The following CENPE variants were observed in gnomAD, a reference collection of about 807,000 sequenced individuals.
CENPE encodes centromere protein E, also known as centromere-associated protein E.
In CENPE, 145 loss-of-function variants were observed where a neutral mutation model predicts 336.1. That is an observed-to-expected ratio of 0.43 (90% CI 0.38 to 0.50). CENPE has a LOEUF of 0.50. Ranked by LOEUF, CENPE falls within the 20% of genes least tolerant of loss-of-function variation. The pLI, the probability that CENPE is intolerant of heterozygous loss-of-function variation, is 0.00. For synonymous variants in CENPE, 1,013 were observed against 984.8 expected, an observed-to-expected ratio of 1.03 and a Z score of -0.54; for missense variants, 2,719 against 3,023.3, an observed-to-expected ratio of 0.90 and a Z score of 2.36.
chr4:103,133,628 A>C, intron 41 of CENPE, 67 bp downstream of exon 41: 1 of 1,072,434 alleles, frequency 9.3e-7, no homozygotes, highest in East Asian at 2.5e-5. Context: ...TAAGCACATG[A>C]AAAAGTACCT....
Position 103,133,879 on chromosome 4 carries a change from T to C in CENPE, c.6536A>G (p.Tyr2179Cys), listed in dbSNP as rs1358566330. The C allele has an allele frequency of 1.6e-5, 26 of 1,578,840 alleles. No homozygotes were observed. Among genetic ancestry groups the C allele is most frequent in the South Asian group, 2.3e-5 (2 of 87,886 alleles). The change falls in exon 41 of 49, where the codon TAT (tyrosine) becomes TGT (cysteine). Residue 2179 changes from tyrosine to cysteine, a missense_variant. Physicochemically the swap from Tyr to Cys is radical, Grantham distance 194. Coordinates refer to ENST00000265148, the MANE Select transcript of CENPE (RefSeq NM_001813.3). ...IMKKLKYVLS[Y>C]VTKIKEEQHE... ...TTGTTCTTCTTTTATTTTTGTAACATAGCTTAACACATACTTGCAGAAAAA... is the reference window on the plus strand; with the variant it reads ...TTGTTCTTCTTTTATTTTTGTAACACAGCTTAACACATACTTGCAGAAAAA...
At chr4:103,113,932 G>A (rs72944923) in intron 46 of CENPE, among the ~76,000 whole-genome samples, 1,549 of 151,880 alleles carry the variant, frequency 0.01, 31 homozygotes, top group African/African-American at 0.035. Context: ...GGTAGTTTGA[G>A]GAATGCATGT....
At position 103,161,335 on chromosome 4, in the gene CENPE, C is replaced by A. The variant is rs746113203; in HGVS notation, c.1965G>T (p.Met655Ile). The part of the protein sequence containing the change: ...RSENLELKEK[M>I]KELATTYKQM... ...TATAAATATTACAAAAAATACTTAC[C>A]ATTTTCTCCTTCAGCTCCAGATTTT... Residue 655 changes from methionine (M) to isoleucine (I), a missense_variant and splice_region_variant, in exon 19 of 49, where the codon ATG (methionine) becomes ATT (isoleucine). Met to Ile is a conservative substitution (Grantham distance 10). Around this residue, in one of 5 missense-constraint regions of CENPE, gnomAD observed 2,437 missense variants for 2,513.3 expected, o/e 0.97. Transcript: ENST00000265148. 2.5e-6 allele frequency: 4 copies of A among 1,608,750 alleles called. No homozygotes were observed. The highest frequency in any genetic ancestry group is 3.4e-5 in the Admixed American group (2 of 58,982).
rs560971961 is a variant in CENPE at position 103,122,944 on chromosome 4, G to A, written c.7070C>T (p.Ala2357Val). ...GTCTTGTGTGGTAGGATTAACCTGG[G>A]CACCAGATGCCAAGGAAGTCTTCAA... The part of the protein sequence containing the change: ...QTLKTSLASG[A>V]QVNPTTQDNK... Residue 2357 changes from alanine (A) to valine (V), a missense_variant, in exon 43 of 49, where the codon GCC becomes GTC. Physicochemically the swap from Ala to Val is moderately conservative, Grantham distance 64. This residue lies in a region of CENPE where 2,437 missense variants were observed against 2,513.3 expected (regional missense o/e 0.97). Transcript: ENST00000265148. 1 of 1,613,920 alleles carries A rather than the reference G, an allele frequency of 6.2e-7. No homozygotes were observed. The highest frequency in any genetic ancestry group is 8.5e-7 in the Non-Finnish European group (1 of 1,179,844).
rs190225659 is a variant in CENPE at position 103,132,819 on chromosome 4, T to C, written c.6798A>G (p.Lys2266=). Residue 2266 remains lysine, a synonymous_variant, in exon 42 of 49, where the codon AAA becomes AAG. Coordinates refer to ENST00000265148, the MANE Select transcript of CENPE (RefSeq NM_001813.3). ...ACTCTTCCAAAAACTGTGTCATTTC[T>C]TTCCTATTACTTAGTACTTGTTGAA... ...TEFQQVLSNR[K]EMTQFLEEWL... 1,072 of 1,587,524 alleles carry C rather than the reference T, an allele frequency of 6.8e-4. 2 individuals carry two copies. Among genetic ancestry groups the C allele is most frequent in the Non-Finnish European group, 5.2e-4 (609 of 1,162,228 alleles).
intron 40 of CENPE, among the ~76,000 whole-genome samples, chr4:103,135,781 G>A (rs943617910): frequency 1.3e-5 from 2 of 152,126 alleles, no homozygotes; most frequent in Non-Finnish European, 1.5e-5. Flanking sequence ...CTTTGTTATT[G>A]AGTCTGGCTT....
intron 8 of CENPE, among the ~76,000 whole-genome samples, chr4:103,190,430 A>G (rs909733095): frequency 3.5e-4 from 54 of 152,148 alleles, no homozygotes; most frequent in Admixed American, 4.6e-4. Flanking sequence ...GCATGGTACT[A>G]GTACCAAAAC....
chr4:103,168,970 A>G (rs1755158152), intron 16 of CENPE, among the ~76,000 whole-genome samples: 1 of 152,238 alleles, frequency 6.6e-6, no homozygotes, highest in Non-Finnish European at 1.5e-5. Flanking sequence ...AAAGTAAGAT[A>G]CTGGTGACTG....
At chr4:103,130,858 T>G (rs891739783) in intron 42 of CENPE, among the ~76,000 whole-genome samples, 1 of 149,124 alleles carries the variant, frequency 6.7e-6, no homozygotes, top group African/African-American at 2.5e-5. Context: ...CAAATGATCA[T>G]TGACAAAGGA....
intron 42 of CENPE, among the ~76,000 whole-genome samples, chr4:103,128,373 A>G (rs1751313841): frequency 6.6e-6 from 1 of 152,304 alleles, no homozygotes; most frequent in Admixed American, 6.5e-5. Flanking sequence ...AGGCAGAAAA[A>G]TCAGGAAGGA....
chr4:103,130,357 G>C (rs193080853), intron 42 of CENPE, among the ~76,000 whole-genome samples: 61 of 152,254 alleles, frequency 4.0e-4, no homozygotes, highest in South Asian at 6.2e-4. Context: ...AAAGTTAATA[G>C]CTTTCCTGTA....
intron 8 of CENPE, among the ~76,000 whole-genome samples, chr4:103,191,734 T>C (rs1757368649): frequency 6.6e-6 from 1 of 151,998 alleles, no homozygotes; most frequent in African/African-American, 2.4e-5. Context: ...ACATGGCACA[T>C]GTATACATAT....
chr4:103,164,687 A>T (rs921147339), intron 16 of CENPE, among the ~76,000 whole-genome samples: 20 of 148,250 alleles, frequency 1.3e-4, no homozygotes, highest in African/African-American at 5.2e-4. Context: ...TAATCAATAT[A>T]AAAAAAATGA....
At chr4:103,130,747 G>T (rs1263937426) in intron 42 of CENPE, among the ~76,000 whole-genome samples, 2 of 152,040 alleles carry the variant, frequency 1.3e-5, no homozygotes, top group South Asian at 2.1e-4. Flanking sequence ...TTGACTTCCA[G>T]ATTTACTATA....
At chr4:103,115,538 A>G (rs536368097) in intron 45 of CENPE, among the ~76,000 whole-genome samples, 2 of 152,304 alleles carry the variant, frequency 1.3e-5, no homozygotes, top group Non-Finnish European at 2.9e-5. Context: ...GAAAATTCCA[A>G]TGCTACTTCC....
At chr4:103,109,550 T>C (rs1014499957) in intron 47 of CENPE, among the ~76,000 whole-genome samples, 2 of 152,184 alleles carry the variant, frequency 1.3e-5, no homozygotes, top group Non-Finnish European at 2.9e-5. Flanking sequence ...CCAGCATTTA[T>C]CCAGTTCCTC....
chr4:103,162,307 C>G (rs1443116372), intron 18 of CENPE, among the ~76,000 whole-genome samples: 2 of 151,514 alleles, frequency 1.3e-5, no homozygotes, highest in Non-Finnish European at 2.9e-5. Context: ...CAGCTAGAAA[C>G]TGTTATCATA....
intron 47 of CENPE, among the ~76,000 whole-genome samples, chr4:103,110,538 C>T (rs1306329453): frequency 6.6e-6 from 1 of 152,124 alleles, no homozygotes; most frequent in African/African-American, 2.4e-5. Context: ...GCCTCACTGG[C>T]TTGGGTATAT....
At chr4:103,136,891 C>T (rs1752116876) in intron 39 of CENPE, among the ~76,000 whole-genome samples, 1 of 152,118 alleles carries the variant, frequency 6.6e-6, no homozygotes, top group African/African-American at 2.4e-5. Context: ...GTTCAGGTTC[C>T]AGCTCTGCCA....
Sources: gnomAD v4.1 joint callset for allele counts (sites outside exome capture counted in the v4.1 genomes callset) on GRCh38, gnomAD v4.1.1 for gene constraint, gnomAD v4.1.1 regional missense constraint, MANE v1.5 for transcripts, NCBI Gene and HGNC (gene_info 2026-07-23, HGNC 2026-07-21) for gene names.